Variants in LAMA3 observed in about 807,000 individuals in gnomAD.
LAMA3 encodes laminin subunit alpha 3, also known as laminin subunit alpha-3.
In LAMA3, 281 loss-of-function variants were observed where a neutral mutation model predicts 402.0. The ratio of observed to expected loss-of-function variants is 0.70; its 90% CI spans 0.63 to 0.77. LAMA3 has a LOEUF of 0.77. LAMA3 is among the 30% of genes least tolerant of loss of function. The probability of loss-of-function intolerance (pLI) is 0.00; values close to 1 mark genes in which losing one functional copy is unlikely to be tolerated. For missense variants in LAMA3, 3,840 were observed against 4,215.5 expected (o/e 0.91, Z 2.47); for synonymous variants, 1,431 against 1,558.4 (o/e 0.92, Z 1.93).
intron 68 of LAMA3, among the ~76,000 whole-genome samples, chr18:23,941,628 T>C (rs1315072772): frequency 6.6e-6 from 1 of 152,190 alleles, no homozygotes; most frequent in Non-Finnish European, 1.5e-5. Context: ...TTTAAACTGG[T>C]GCCATTGCTT....
At chr18:23,821,106 A>G (rs1343709434) in intron 19 of LAMA3, among the ~76,000 whole-genome samples, 3 of 152,242 alleles carry the variant, frequency 2.0e-5, no homozygotes, top group Non-Finnish European at 4.4e-5. Context: ...CAAAGGGTAT[A>G]CCTTCTCACA....
At position 23,931,197 on chromosome 18, in the gene LAMA3, T is replaced by C; in HGVS notation, c.8572T>C (p.Ser2858Pro). Residue 2858 changes from serine (S) to proline (P), a missense_variant, in exon 65 of 75, where the codon TCT becomes CCT. Ser to Pro is a moderately conservative substitution (Grantham distance 74). Coordinates refer to ENST00000313654, the MANE Select transcript of LAMA3 (RefSeq NM_198129.4). ...TTATGTATCTGTAATAAGCGACAAC[T>C]CTGGGTGAGTGGAATAATACTTCTG... ...LHYVSVISDN[S>P]GLRLLIDDQL... is the part of the protein sequence containing the mutation. 6.2e-7 allele frequency: 1 copy of C among 1,610,946 alleles called. No homozygotes were observed. The highest frequency in any genetic ancestry group is 8.5e-7 in the Non-Finnish European group (1 of 1,177,044).
chr18:23,795,675 G>A (rs534201926), intron 12 of LAMA3, among the ~76,000 whole-genome samples: 4 of 151,986 alleles, frequency 2.6e-5, no homozygotes, highest in East Asian at 3.9e-4. Context: ...AGAAAAGTCC[G>A]GGCATATTTG....
At position 23,954,649 on chromosome 18, in the gene LAMA3, CCCAAG is replaced by C. The variant is rs755229982; in HGVS notation, c.*4_*8del. ...TCTGAATGGTTGTCCTGACCAGTAA[CCCAAG>C]CCTATTTCACAGCAAGGAAATTCAC... On this transcript the variant is annotated 3_prime_UTR_variant, in exon 75 of 75. Coordinates refer to ENST00000313654, the MANE Select transcript of LAMA3 (RefSeq NM_198129.4). 3.7e-6 allele frequency: 6 copies of C among 1,614,036 alleles called. No individual in the cohort carries two copies. In the Admixed American group the frequency reaches 1.0e-4, roughly 27 times the overall value.
At chr18:23,790,792 A>C (rs538080971) in intron 12 of LAMA3, among the ~76,000 whole-genome samples, 1 of 152,316 alleles carries the variant, frequency 6.6e-6, no homozygotes, top group South Asian at 2.1e-4. Flanking sequence ...TTTGAAGGGC[A>C]AGAAAGCACT....
At chr18:23,796,230 T>C (rs1219114826) in intron 12 of LAMA3, 1 of 236,220 alleles carries the variant, frequency 4.2e-6, no homozygotes, top group Non-Finnish European at 8.8e-6. Context: ...AGGAAAAGAG[T>C]ATACTTTCCA....
At chr18:23,785,883 A>C (rs1335633137) in intron 12 of LAMA3, among the ~76,000 whole-genome samples, 1 of 152,236 alleles carries the variant, frequency 6.6e-6, no homozygotes, top group East Asian at 1.9e-4. Flanking sequence ...ATAATGAATA[A>C]ATAATACAAC....
intron 1 of LAMA3, among the ~76,000 whole-genome samples, chr18:23,702,882 C>T (rs1771612524): frequency 6.6e-6 from 1 of 152,198 alleles, no homozygotes; most frequent in African/African-American, 2.4e-5. Flanking sequence ...CCAATTGCTC[C>T]ACCTCTTTGT....
At chr18:23,690,040 CG>C (rs2060550794) in intron 1 of LAMA3, 63 bp downstream of exon 1, 9 of 1,253,174 alleles carry the variant, frequency 7.2e-6, no homozygotes, top group Admixed American at 3.1e-5. Flanking sequence ...GCCAGACACC[CG>C]GAGAAGGGAT....
At chr18:23,813,139 T>G (rs1440593813) in intron 14 of LAMA3, 36 bp downstream of exon 14, 1 of 1,355,722 alleles carries the variant, frequency 7.4e-7, no homozygotes, top group East Asian at 2.3e-5. Flanking sequence ...ATTCTAACTA[T>G]CTCTATTATT....
intron 1 of LAMA3, among the ~76,000 whole-genome samples, chr18:23,711,762 G>A (rs1054327960): frequency 1.3e-5 from 2 of 152,140 alleles, no homozygotes; most frequent in Admixed American, 1.3e-4. Context: ...ACTGGGTGGT[G>A]CCCAGTGCAT....
chr18:23,921,613 T>TAAAG (rs892557631), intron 62 of LAMA3, 28 bp downstream of exon 62: 1 of 1,612,232 alleles, frequency 6.2e-7, no homozygotes, highest in African/African-American at 1.3e-5. Flanking sequence ...AAACGAGATT[T>TAAAG]AAAGCCTTTG....
In LAMA3 at chr18:23,747,945, C is replaced by T; in HGVS notation, c.450C>T (p.Leu150=). ...RVNLTLDLGQ[L]FHVAYILIKF... is the part of the protein sequence containing the mutation. ...CTGTATCTCTTTTGTTTTATCAGCT[C>T]TTCCATGTGGCCTATATTTTAATCA... The change falls in exon 3 of 75, where the codon CTC becomes CTT. Residue 150 remains leucine, a splice_region_variant and synonymous_variant. Coordinates refer to ENST00000313654, the MANE Select transcript of LAMA3 (RefSeq NM_198129.4). The T allele has an allele frequency of 6.5e-7, 1 of 1,541,840 alleles. No homozygotes were observed. The highest frequency in any genetic ancestry group is 1.7e-5 in the Admixed American group (1 of 59,910).
intron 12 of LAMA3, among the ~76,000 whole-genome samples, chr18:23,799,289 T>C (rs1255469568): frequency 2.0e-5 from 3 of 152,212 alleles, no homozygotes; most frequent in Non-Finnish European, 4.4e-5. Flanking sequence ...CCAAGGGACC[T>C]AGAGCAAAAG....
At chr18:23,748,933 T>C (rs2061698605) in intron 3 of LAMA3, among the ~76,000 whole-genome samples, 1 of 152,216 alleles carries the variant, frequency 6.6e-6, no homozygotes, top group Admixed American at 6.5e-5. Flanking sequence ...TGTAAGATGG[T>C]AGAAGCTGTG....
rs369459077 is a variant in LAMA3, at chr18:23,846,486, C to G, written c.3909C>G (p.His1303Gln). 4.3e-5 allele frequency: 69 copies of G among 1,611,100 alleles called. No individual in the cohort carries two copies. In the African/African-American group the frequency reaches 7.9e-4, roughly 18 times the overall value. ...GRQCTRCATG[H>Q]YGFPRCKPCS... The stretch of plus-strand genomic sequence containing the variant: ...AGTGCACCCGCTGTGCAACAGGCCA[C>G]TACGGATTCCCACGCTGCAAGCGTA... Residue 1303 changes from histidine (H) to glutamine (Q), a missense_variant, in exon 31 of 75, where the codon CAC becomes CAG. His to Gln is a conservative substitution (Grantham distance 24, BLOSUM62 0). Coordinates refer to ENST00000313654, the MANE Select transcript of LAMA3 (RefSeq NM_198129.4).
chr18:23,811,611 G>A (rs1439912764), intron 13 of LAMA3, among the ~76,000 whole-genome samples: 1 of 152,168 alleles, frequency 6.6e-6, no homozygotes, highest in Admixed American at 6.5e-5. Context: ...GTCATCCCAG[G>A]GCTAGATGGC....
chr18:23,941,266 G>T (rs943365679), intron 68 of LAMA3, among the ~76,000 whole-genome samples: 1 of 148,214 alleles, frequency 6.7e-6, no homozygotes, highest in Non-Finnish European at 1.5e-5. Flanking sequence ...CTGCCTGGAG[G>T]CCCCTTTCCC....
chr18:23,843,757 A>C (rs2144608039), intron 29 of LAMA3, among the ~76,000 whole-genome samples: 1 of 151,962 alleles, frequency 6.6e-6, no homozygotes, highest in Non-Finnish European at 1.5e-5. Context: ...CCCCTAATTC[A>C]TCTTTTATCT....
Sources: gnomAD v4.1 joint callset for allele counts (sites outside exome capture counted in the v4.1 genomes callset) on GRCh38, gnomAD v4.1.1 for gene constraint, MANE v1.5 for transcripts, NCBI Gene and HGNC (gene_info 2026-07-23, HGNC 2026-07-21) for gene names.